The following CLSTN2 variants were observed in gnomAD, a reference collection of about 807,000 sequenced individuals.
The protein encoded by CLSTN2 is calsyntenin-2.
A neutral mutation model predicts 101.2 loss-of-function variants in CLSTN2; 48 were observed. The ratio of observed to expected loss-of-function variants is 0.47; its 90% CI spans 0.38 to 0.60. The LOEUF (loss-of-function observed/expected upper bound fraction) is 0.60. Among genes scored for constraint, CLSTN2 ranks in the 20% least tolerant of loss-of-function variants. CLSTN2 has a pLI of 0.00. For missense variants in CLSTN2, 1,160 were observed against 1,238.2 expected, an observed-to-expected ratio of 0.94 and a Z score of 0.95; for synonymous variants, 481 against 463.6, an observed-to-expected ratio of 1.04 and a Z score of -0.48.
chr3:139,999,316 G>T (rs1287008478), intron 1 of CLSTN2, among the ~76,000 whole-genome samples: 2 of 148,288 alleles, frequency 1.3e-5, no homozygotes, highest in South Asian at 4.5e-4. Flanking sequence ...GTCCATGTGT[G>T]CTCAGTGTTT....
At chr3:140,272,389 A>C (rs915493372) in intron 2 of CLSTN2, among the ~76,000 whole-genome samples, 1 of 152,216 alleles carries the variant, frequency 6.6e-6, no homozygotes, top group Non-Finnish European at 1.5e-5. Flanking sequence ...TGTAAATATG[A>C]AGACAAATAG....
intron 1 of CLSTN2, among the ~76,000 whole-genome samples, chr3:139,951,238 G>T (rs1206067738): frequency 6.6e-6 from 1 of 152,158 alleles, no homozygotes; most frequent in Non-Finnish European, 1.5e-5. Context: ...TACCCAAGAA[G>T]TATCTCATAT....
chr3:139,990,677 G>A (rs770832326), intron 1 of CLSTN2, among the ~76,000 whole-genome samples: 3 of 152,254 alleles, frequency 2.0e-5, no homozygotes, highest in Non-Finnish European at 4.4e-5. Context: ...GGGGGTGAGA[G>A]CTGAACAGGT....
At chr3:140,234,151 G>T (rs9866305) in intron 2 of CLSTN2, among the ~76,000 whole-genome samples, 12 of 152,060 alleles carry the variant, frequency 7.9e-5, no homozygotes, top group African/African-American at 2.9e-4. Context: ...AAAGGGTCAC[G>T]GTCACAAATC....
intron 8 of CLSTN2, among the ~76,000 whole-genome samples, chr3:140,513,068 A>G (rs1485164828): frequency 6.6e-6 from 1 of 152,166 alleles, no homozygotes; most frequent in Non-Finnish European, 1.5e-5. Context: ...AGCAAAGATA[A>G]CTTGACTTCC....
chr3:140,297,939 G>A (rs2087019985), intron 2 of CLSTN2, among the ~76,000 whole-genome samples: 1 of 152,190 alleles, frequency 6.6e-6, no homozygotes, highest in African/African-American at 2.4e-5. Context: ...GTCATCTGAT[G>A]TAACCCCAAC....
intron 4 of CLSTN2, among the ~76,000 whole-genome samples, chr3:140,419,902 A>ATT (rs573834827): frequency 7.9e-6 from 1 of 125,992 alleles, no homozygotes; most frequent in Non-Finnish European, 1.6e-5. Context: ...TATTTTGTTG[A>ATT]TTTTTTTTTT....
intron 1 of CLSTN2, among the ~76,000 whole-genome samples, chr3:139,952,667 G>A (rs1424843582): frequency 6.6e-6 from 1 of 152,118 alleles, no homozygotes; most frequent in African/African-American, 2.4e-5. Flanking sequence ...GGATGCCTAG[G>A]GCATGGTGTT....
At chr3:140,226,998 G>C (rs1237190465) in intron 2 of CLSTN2, among the ~76,000 whole-genome samples, 2 of 152,076 alleles carry the variant, frequency 1.3e-5, no homozygotes, top group African/African-American at 4.8e-5. Context: ...TTTGGGTGGG[G>C]ACACAACCAA....
intron 1 of CLSTN2, among the ~76,000 whole-genome samples, chr3:140,108,021 G>A (rs1459646231): frequency 3.9e-5 from 6 of 152,152 alleles, no homozygotes; most frequent in African/African-American, 9.7e-5. Flanking sequence ...AGCAATGAGT[G>A]GTTGATAAGG....
intron 10 of CLSTN2, among the ~76,000 whole-genome samples, chr3:140,548,571 G>A (rs1935648198): frequency 6.6e-6 from 1 of 152,200 alleles, no homozygotes; most frequent in Non-Finnish European, 1.5e-5. Context: ...TAGGAAAAAG[G>A]CAGTAGTGGA....
chr3:140,193,332 G>C (rs1318026762), intron 2 of CLSTN2, among the ~76,000 whole-genome samples: 1 of 139,198 alleles, frequency 7.2e-6, no homozygotes, highest in Non-Finnish European at 1.5e-5. Flanking sequence ...TAGGCCTGCT[G>C]GTGACAAATT....
chr3:140,199,545 C>CAG (rs2010691815), intron 2 of CLSTN2, among the ~76,000 whole-genome samples: 1 of 152,216 alleles, frequency 6.6e-6, no homozygotes, highest in African/African-American at 2.4e-5. Context: ...TAAGAATCAT[C>CAG]AGGGGTGCTT....
chr3:140,525,533 T>C (rs116123250), intron 8 of CLSTN2, among the ~76,000 whole-genome samples: 2,214 of 152,254 alleles, frequency 0.015, 48 homozygotes, highest in African/African-American at 0.049. Flanking sequence ...ACTGAAACTA[T>C]TCCAAAAAAT....
intron 1 of CLSTN2, among the ~76,000 whole-genome samples, chr3:139,936,618 G>C (rs1364365406): frequency 6.6e-6 from 1 of 152,152 alleles, no homozygotes; most frequent in Non-Finnish European, 1.5e-5. Flanking sequence ...CGCTTGCTTT[G>C]AGCTACACTT....
rs962389701 is a variant in CLSTN2, at chr3:140,241,854, T to C, written c.232+65781T>C. Among the ~76,000 whole-genome samples the C allele has an allele frequency of 9.9e-5, 14 of 142,126 alleles. No individual in the cohort carries two copies. The South Asian group carries it at 1.1e-3, about 11-fold the overall frequency. The allele number at this position is 142,126 out of a possible 152,430, so 93.2% of individuals were successfully genotyped here. ...ACACATATATATATACATATATATA[T>C]ACACATATATATACACATATATATA... On this transcript the variant is annotated intron_variant, in intron 2 of 16. Transcript: ENST00000458420.
chr3:140,513,583 C>CTATT (rs1553750564), intron 8 of CLSTN2, among the ~76,000 whole-genome samples: 2 of 117,768 alleles, frequency 1.7e-5, no homozygotes, highest in African/African-American at 6.6e-5. Context: ...TTTTTTCTTT[C>CTATT]TTTTTTTTTT....
intron 2 of CLSTN2, among the ~76,000 whole-genome samples, chr3:140,257,024 C>T (rs1234566379): frequency 1.3e-5 from 2 of 152,136 alleles, no homozygotes; most frequent in African/African-American, 4.8e-5. Flanking sequence ...CGCGATGGCT[C>T]ACGCTTGTAA....
At chr3:140,205,058 A>C (rs902158384) in intron 2 of CLSTN2, among the ~76,000 whole-genome samples, 3 of 152,152 alleles carry the variant, frequency 2.0e-5, no homozygotes, top group African/African-American at 7.2e-5. Context: ...AAAAGAGGGT[A>C]GGCATTTTCT....
Sources: allele counts gnomAD v4.1 joint callset (sites outside exome capture counted in the v4.1 genomes callset), GRCh38; gene constraint gnomAD v4.1.1; transcripts MANE v1.5; gene names NCBI Gene and HGNC (gene_info 2026-07-23, HGNC 2026-07-21).